The following NTAN1 variants were observed in gnomAD, a reference collection of about 807,000 sequenced individuals.
NTAN1 encodes the protein N-terminal asparagine amidase.
In NTAN1, 32 loss-of-function variants were observed where a neutral mutation model predicts 41.9. The observed-to-expected ratio is 0.76, with a 90% confidence interval of 0.58 to 1.03. The LOEUF (loss-of-function observed/expected upper bound fraction) is 1.03. NTAN1 is among the 50% of genes least tolerant of loss of function. The pLI, the probability that NTAN1 is intolerant of heterozygous loss-of-function variation, is 0.00. For synonymous variants in NTAN1, 140 were observed against 139.5 expected, an observed-to-expected ratio of 1.00 and a Z score of -0.03; for missense variants, 377 against 377.5, an observed-to-expected ratio of 1.00 and a Z score of 0.01.
chr16:15,038,650 C>G lies in NTAN1; in HGVS notation c.677G>C (p.Arg226Pro), dbSNP rs370043410. Residue 226 changes from arginine to proline, a missense_variant, in exon 9 of 10, where the codon CGT becomes CCT. Physicochemically the swap from Arg to Pro is moderately radical, Grantham distance 103. Coordinates refer to ENST00000287706, the MANE Select transcript of NTAN1 (RefSeq NM_173474.4). Reference protein sequence around the residue: ...SIYDAETEQLRIGPYSWTPFP... With the variant: ...SIYDAETEQLPIGPYSWTPFP... ...TGGTGTCCAGGAGTACGGTCCTATA[C>G]GAAGTTGTTCTGTCTCTGCATCATA... is the stretch of plus-strand genomic sequence containing the variant. The G allele has an allele frequency of 1.2e-6, 2 of 1,606,014 alleles. No individual in the cohort carries two copies. Among genetic ancestry groups the G allele is most frequent in the Non-Finnish European group, 1.7e-6 (2 of 1,173,534 alleles).
At position 15,043,912 on chromosome 16, in the gene NTAN1, C is replaced by A. The variant is rs530670986; in HGVS notation, c.433+422G>T. Among the ~76,000 whole-genome samples, 22 of 152,022 alleles carry A rather than the reference C, an allele frequency of 1.4e-4. No homozygotes were observed. In the East Asian group the frequency reaches 3.9e-3, roughly 27 times the overall value. On this transcript the variant is annotated intron_variant, in intron 5 of 9. Transcript: ENST00000287706. ...GCAGTGAGCCGAGATCATGCTACTGCACTCCAACTTGGGCAACAGAGCAAG... is the reference window on the plus strand; with the variant it reads ...GCAGTGAGCCGAGATCATGCTACTGAACTCCAACTTGGGCAACAGAGCAAG...
chr16:15,050,395 A>G (rs867503027), intron 1 of NTAN1, among the ~76,000 whole-genome samples: 3 of 152,178 alleles, frequency 2.0e-5, no homozygotes, highest in Non-Finnish European at 4.4e-5. Flanking sequence ...GCTTCTTGCC[A>G]TTTCGCATGA....
At chr16:15,050,746 TA>T (rs2151725256) in intron 1 of NTAN1, among the ~76,000 whole-genome samples, 1 of 151,504 alleles carries the variant, frequency 6.6e-6, no homozygotes, top group East Asian at 2.0e-4. Flanking sequence ...AAAAAAAAAT[TA>T]AGATTAAACT....
intron 5 of NTAN1, among the ~76,000 whole-genome samples, chr16:15,043,088 C>T (rs552302680): frequency 1.3e-4 from 20 of 152,082 alleles, no homozygotes; most frequent in Admixed American, 7.9e-4. Context: ...TTAGTAGAGA[C>T]GGGGTTTCTC....
chr16:15,053,057 C>G (rs138173011), intron 1 of NTAN1, among the ~76,000 whole-genome samples: 1 of 152,210 alleles, frequency 6.6e-6, no homozygotes, highest in Non-Finnish European at 1.5e-5. Context: ...GCCATGCTGT[C>G]TGCTCGGCAC....
intron 6 of NTAN1, 30 bp downstream of exon 6, chr16:15,041,593 C>T (rs1459445808): frequency 6.4e-7 from 1 of 1,559,322 alleles, no homozygotes; most frequent in Admixed American, 1.7e-5. Context: ...AGACCCACAT[C>T]TTTGCTTTGG....
At chr16:15,041,716 C>T in intron 5 of NTAN1, 40 bp from the exon 6 acceptor site, 2 of 1,455,918 alleles carry the variant, frequency 1.4e-6, no homozygotes, top group Non-Finnish European at 1.9e-6. Context: ...AGAAAAGTTC[C>T]TCTAGTTACC....
rs778009427 is a variant in NTAN1 at position 15,038,345 on chromosome 16, TAGTA to T, written c.754-139_754-136del. 61 of 649,874 alleles carry T rather than the reference TAGTA, an allele frequency of 9.4e-5. 1 individual carries two copies. Among genetic ancestry groups the T allele is most frequent in the Admixed American group, 2.6e-4 (7 of 27,258 alleles). The allele number at this position is 649,874 out of a possible 1,614,324, so 40.3% of individuals were successfully genotyped here. The stretch of plus-strand genomic sequence containing the variant: ...CGTTAAGAAATGAGGTGGCCTGAAT[TAGTA>T]AGAAAAAAGTTGATTGCTTACTGCT... On this transcript the variant is annotated intron_variant, in intron 9 of 9. Transcript: ENST00000287706.
At chr16:15,039,206 T>C (rs1300534947) in intron 8 of NTAN1, among the ~76,000 whole-genome samples, 1 of 152,226 alleles carries the variant, frequency 6.6e-6, no homozygotes, top group Non-Finnish European at 1.5e-5. Context: ...CCTAGCAATA[T>C]TCACTTTGGT....
intron 1 of NTAN1, among the ~76,000 whole-genome samples, chr16:15,053,868 T>C (rs7405130): frequency 0.78 from 118,046 of 152,146 alleles, 46,951 homozygotes; most frequent in Admixed American, 0.87. Context: ...GCCGAGATTG[T>C]GCCACAGCAA....
chr16:15,042,577 A>T (rs748736378), intron 5 of NTAN1, among the ~76,000 whole-genome samples: 1 of 152,114 alleles, frequency 6.6e-6, no homozygotes, highest in Non-Finnish European at 1.5e-5. Context: ...GCGACTACAT[A>T]ATTATTATTC....
At position 15,055,877 on chromosome 16, in the gene NTAN1, C is replaced by A; in HGVS notation, c.81+14G>T. ...TCGGGCCCGCCCCGAAGCCCCGCGC[C>A]GCGCCCCACTCACCTCCAAAGGCGG... is the stretch of plus-strand genomic sequence containing the variant. On this transcript the variant is annotated intron_variant, in intron 1 of 9. Coordinates refer to ENST00000287706, the MANE Select transcript of NTAN1 (RefSeq NM_173474.4). 8.2e-7 allele frequency: 1 copy of A among 1,217,624 alleles called. No individual in the cohort carries two copies. Among genetic ancestry groups the A allele is most frequent in the Non-Finnish European group, 1.0e-6 (1 of 974,802 alleles). The allele number at this position is 1,217,624 out of a possible 1,614,324, so 75.4% of individuals were successfully genotyped here.
Position 15,044,334 on chromosome 16 carries a change from TAAG to T in NTAN1, c.430_432del (p.Leu144del). On this transcript the variant is annotated inframe_deletion and splice_region_variant, in exon 5 of 10. Coordinates refer to ENST00000287706, the MANE Select transcript of NTAN1 (RefSeq NM_173474.4). ...GGAAAGAAAAAAAAAATGAACTTAC[TAAG>T]AAGTTGATGAGTGAGTTTTTGTGAC... 3 of 1,602,138 alleles carry T rather than the reference TAAG, an allele frequency of 1.9e-6. No individual in the cohort carries two copies. The highest frequency in any genetic ancestry group is 2.2e-5 in the East Asian group (1 of 44,840).
chr16:15,041,514 G>A, intron 6 of NTAN1, 109 bp downstream of exon 6: 1 of 804,514 alleles, frequency 1.2e-6, no homozygotes, highest in Admixed American at 1.7e-5. Context: ...AACAGATGGT[G>A]GCCAAGCAGT....
intron 1 of NTAN1, among the ~76,000 whole-genome samples, chr16:15,052,963 C>CT (rs758792630): frequency 2.0e-5 from 3 of 152,134 alleles, no homozygotes; most frequent in Admixed American, 2.0e-4. Context: ...TTAAGAGTGA[C>CT]TAAGGGAGGG....
chr16:15,046,368 C>G (rs1415172464), intron 4 of NTAN1, among the ~76,000 whole-genome samples: 1 of 152,184 alleles, frequency 6.6e-6, no homozygotes, highest in Non-Finnish European at 1.5e-5. Flanking sequence ...TGCCAGGTCT[C>G]CACAAAGAGC....
rs773144097 is a variant in NTAN1, at chr16:15,044,700, C to T, written c.360-293G>A. 329 of 470,162 alleles carry T rather than the reference C, an allele frequency of 7.0e-4. No individual in the cohort carries two copies. The Middle Eastern group carries it at 8.7e-3, about 12-fold the overall frequency. 29.1% of individuals were successfully genotyped at this position (470,162 alleles called of 1,614,324 possible). ...ACTTTGCTCTGGAAGAGCACAGGCACAGGACAGGTGCAGTGGCTCACATCT... is the reference window on the plus strand; with the variant it reads ...ACTTTGCTCTGGAAGAGCACAGGCATAGGACAGGTGCAGTGGCTCACATCT... On this transcript the variant is annotated intron_variant, in intron 4 of 9. Transcript: ENST00000287706.
At chr16:15,039,024 C>T (rs139186436) in intron 8 of NTAN1, among the ~76,000 whole-genome samples, 54 of 152,286 alleles carry the variant, frequency 3.5e-4, no homozygotes, top group South Asian at 1.9e-3. Flanking sequence ...CAAACCCAGG[C>T]GCTTCTGACT....
intron 9 of NTAN1, 179 bp downstream of exon 9, chr16:15,038,395 C>T (rs1385231620): frequency 4.8e-6 from 3 of 625,264 alleles, no homozygotes; most frequent in Non-Finnish European, 8.4e-6. Flanking sequence ...ACATTTCCAT[C>T]TAGGACTTGA....
Sources: gnomAD v4.1 joint callset for allele counts (sites outside exome capture counted in the v4.1 genomes callset) on GRCh38, gnomAD v4.1.1 for gene constraint, MANE v1.5 for transcripts, NCBI Gene and HGNC (gene_info 2026-07-23, HGNC 2026-07-21) for gene names.